COL10A1: variants seen among roughly 807,000 people sequenced by gnomAD.
The protein encoded by COL10A1 is collagen alpha-1(X) chain.
In COL10A1, 10 loss-of-function variants were observed where a neutral mutation model predicts 18.2. The observed-to-expected ratio is 0.55, with a 90% CI of 0.34 to 0.93. COL10A1 has a LOEUF of 0.93. COL10A1 is among the 40% of genes least tolerant of loss of function. COL10A1 has a pLI of 0.02. For missense variants in COL10A1, 897 were observed against 853.5 expected (o/e 1.05, Z -0.64); for synonymous variants, 330 against 316.6 (o/e 1.04, Z -0.45).
the COL10A1 span, among the ~76,000 whole-genome samples, chr6:116,180,145 A>G: frequency 1.3e-5 from 2 of 152,210 alleles, no homozygotes; most frequent in African/African-American, 4.8e-5. Context: ...TATTAAGGGC[A>G]TATATTATTT....
the COL10A1 span, among the ~76,000 whole-genome samples, chr6:116,190,284 A>G: frequency 1.3e-5 from 2 of 152,026 alleles, no homozygotes; most frequent in African/African-American, 2.4e-5. Context: ...TTTTATCAAT[A>G]TATGAAATAC....
the COL10A1 span, among the ~76,000 whole-genome samples, chr6:116,177,846 T>C: frequency 6.6e-6 from 1 of 152,206 alleles, no homozygotes; most frequent in South Asian, 2.1e-4. Context: ...GTAACAGCTC[T>C]GAAATGCCTA....
intron 1 of COL10A1, among the ~76,000 whole-genome samples, chr6:116,149,889 T>C (rs980059151): frequency 6.6e-6 from 1 of 152,232 alleles, no homozygotes; most frequent in South Asian, 2.1e-4. Context: ...GCATTAGGAC[T>C]TAACGGCTTT....
the COL10A1 span, among the ~76,000 whole-genome samples, chr6:116,183,358 C>T: frequency 6.6e-6 from 1 of 151,930 alleles, no homozygotes; most frequent in Non-Finnish European, 1.5e-5. Context: ...GCTATGCAGG[C>T]TCTTTTTTGG....
chr6:116,178,856 C>T, the COL10A1 span, among the ~76,000 whole-genome samples: 1 of 152,140 alleles, frequency 6.6e-6, no homozygotes, highest in Non-Finnish European at 1.5e-5. Context: ...CAGTGTTTGC[C>T]TTATAAAAAT....
chr6:116,162,677 A>G (rs577808993), upstream of COL10A1, among the ~76,000 whole-genome samples: 26 of 152,250 alleles, frequency 1.7e-4, no homozygotes, highest in Admixed American at 6.5e-4. Context: ...TCAGTTTGCT[A>G]GTATTTTGTT....
At chr6:116,163,141 A>AAAAAAAAT (rs761718922), upstream of COL10A1, among the ~76,000 whole-genome samples, 286 of 88,246 alleles carry the variant, frequency 3.2e-3, 7 homozygotes, top group South Asian at 4.2e-3. Context: ...AAAAAAAAAA[A>AAAAAAAAT]ATATATATAT....
chr6:116,180,104 A>G, the COL10A1 span, among the ~76,000 whole-genome samples: 1 of 152,090 alleles, frequency 6.6e-6, no homozygotes, highest in Non-Finnish European at 1.5e-5. Flanking sequence ...TTATCCCCAA[A>G]GGATAAGTGT....
chr6:116,161,414 A>T (rs918249271), upstream of COL10A1, among the ~76,000 whole-genome samples: 6 of 151,052 alleles, frequency 4.0e-5, no homozygotes, highest in East Asian at 1.9e-4. Flanking sequence ...TAAAGCAGAT[A>T]AAAAAAAAGA....
intron 1 of COL10A1, among the ~76,000 whole-genome samples, chr6:116,136,354 T>A (rs1779601293): frequency 6.6e-6 from 1 of 152,180 alleles, no homozygotes; most frequent in African/African-American, 2.4e-5. Flanking sequence ...ACAAGGGGGC[T>A]GACACCTGTC....
chr6:116,167,608 C>G, the COL10A1 span, among the ~76,000 whole-genome samples: 1 of 152,144 alleles, frequency 6.6e-6, no homozygotes, highest in Non-Finnish European at 1.5e-5. Context: ...TATAAATTGA[C>G]AGGCATTTTT....
the COL10A1 span, among the ~76,000 whole-genome samples, chr6:116,214,670 C>G: frequency 6.6e-6 from 1 of 151,968 alleles, no homozygotes; most frequent in Non-Finnish European, 1.5e-5. Flanking sequence ...CATTTTGAGA[C>G]CCACTACTCT....
chr6:116,215,017 C>T, the COL10A1 span, among the ~76,000 whole-genome samples: 1 of 152,060 alleles, frequency 6.6e-6, no homozygotes, highest in Admixed American at 6.6e-5. Context: ...ATTCTCTGGA[C>T]ACACTTTCTT....
chr6:116,197,131 G>A, the COL10A1 span, among the ~76,000 whole-genome samples: 32 of 151,744 alleles, frequency 2.1e-4, no homozygotes, highest in Admixed American at 6.6e-5. Context: ...TTTGTAGTGG[G>A]CCAGCTGCCC....
chr6:116,185,034 G>A, the COL10A1 span, among the ~76,000 whole-genome samples: 3 of 151,954 alleles, frequency 2.0e-5, no homozygotes, highest in Admixed American at 1.3e-4. Flanking sequence ...TGCCTTTGCT[G>A]TATTCTGGAG....
At chr6:116,167,206 ATTTTTT>A in the COL10A1 span, among the ~76,000 whole-genome samples, 3 of 87,796 alleles carry the variant, frequency 3.4e-5, no homozygotes, top group Admixed American at 1.5e-4. Context: ...CAAATAGAAG[ATTTTTT>A]TTTTTTTTTT....
chr6:116,202,154 T>C, the COL10A1 span, among the ~76,000 whole-genome samples: 1 of 151,992 alleles, frequency 6.6e-6, no homozygotes. Flanking sequence ...CCATACCTGC[T>C]AGAGCACCAG....
intron 1 of COL10A1, among the ~76,000 whole-genome samples, chr6:116,144,362 G>A (rs1000960550): frequency 2.0e-5 from 3 of 152,036 alleles, no homozygotes; most frequent in African/African-American, 4.8e-5. Context: ...TTAGCTGGGC[G>A]TGATGGTGCA....
exon 1 of COL10A1, chr6:116,158,678 T>A (rs895145470): frequency 3.9e-5 from 6 of 152,242 alleles, no homozygotes; most frequent in African/African-American, 1.4e-4. Context: ...CACTACTTTG[T>A]CATCCTGGTG....
Sources: gnomAD v4.1 joint callset for allele counts (sites outside exome capture counted in the v4.1 genomes callset) on GRCh38, gnomAD v4.1.1 for gene constraint, MANE v1.5 for transcripts, NCBI Gene and HGNC (gene_info 2026-07-23, HGNC 2026-07-21) for gene names.